The following TATDN3 variants were observed in gnomAD, a reference collection of about 807,000 sequenced individuals.
The protein encoded by TATDN3 is deoxyribonuclease TATDN3.
A neutral mutation model predicts 40.1 loss-of-function variants in TATDN3; 29 were observed. That is an observed-to-expected ratio of 0.72 (90% CI 0.54 to 0.99). The LOEUF is 0.99. Among genes scored for constraint, TATDN3 ranks in the 50% least tolerant of loss-of-function variants. The probability of loss-of-function intolerance (pLI) is 0.00; values close to 1 mark genes in which losing one functional copy is unlikely to be tolerated. For synonymous variants in TATDN3, 105 were observed against 117.0 expected, an observed-to-expected ratio of 0.90 and a Z score of 0.66; for missense variants, 309 against 321.9, an observed-to-expected ratio of 0.96 and a Z score of 0.31.
At chr1:212,794,754 G>A (rs1175145780) in intron 1 of TATDN3, 2 of 486,940 alleles carry the variant, frequency 4.1e-6, no homozygotes, top group South Asian at 3.1e-5. Flanking sequence ...CAATGAGAGA[G>A]TGGTATTGCA....
chr1:212,794,780 A>C, intron 1 of TATDN3: 1 of 512,606 alleles, frequency 2.0e-6, no homozygotes, highest in Non-Finnish European at 3.8e-6. Context: ...GAAGGGTGGA[A>C]AGCATTTCAA....
chr1:212,812,720 G>A (rs1357238492), intron 9 of TATDN3, among the ~76,000 whole-genome samples: 2 of 152,010 alleles, frequency 1.3e-5, no homozygotes, highest in African/African-American at 2.4e-5. Context: ...AGATTATGGT[G>A]GGCTGGGCAC....
intron 4 of TATDN3, among the ~76,000 whole-genome samples, chr1:212,797,903 C>T (rs1054623098): frequency 1.3e-4 from 20 of 152,190 alleles, no homozygotes; most frequent in African/African-American, 4.3e-4. Flanking sequence ...CACTTGTCTC[C>T]TGACTCAGCA....
At chr1:212,811,516 A>G (rs910486582) in intron 8 of TATDN3, among the ~76,000 whole-genome samples, 5 of 151,858 alleles carry the variant, frequency 3.3e-5, no homozygotes, top group African/African-American at 9.7e-5. Context: ...CACCCACCTC[A>G]GCCTCCCAAA....
Position 212,816,597 on chromosome 1 carries a change from GA to G in TATDN3, c.*1448del, listed in dbSNP as rs1425222919. 2 of 152,030 alleles carry G rather than the reference GA, an allele frequency of 1.3e-5. No individual in the cohort carries two copies. The highest frequency in any genetic ancestry group is 4.8e-5 in the African/African-American group (2 of 41,504). The allele number at this position is 152,030 out of a possible 1,614,324, so 9.4% of individuals were successfully genotyped here. ...AATGCTGGAAAAAGTACCTGTCATA[GA>G]AAAAAATAAACTTCCTAAATCAAAG... is the stretch of plus-strand genomic sequence containing the variant. On this transcript the variant is annotated 3_prime_UTR_variant, in exon 10 of 10. Transcript: ENST00000366974.
At position 212,804,389 on chromosome 1, in the gene TATDN3, A is replaced by G; in HGVS notation, c.391A>G (p.Ile131Val). ...GAAGGAAGAGCAAAGACAAGTCCTA[A>G]TCAGACAGATCCAGTTAGCCAAAAG... ...EQKEEQRQVLIRQIQLAKRLN... is the reference protein window; with the variant it reads ...EQKEEQRQVLVRQIQLAKRLN... The change falls in exon 6 of 10, where the codon ATC becomes GTC. Residue 131 changes from isoleucine to valine, a missense_variant. Ile to Val is a conservative substitution (Grantham distance 29, BLOSUM62 3). Transcript: ENST00000366974. The G allele has an allele frequency of 6.2e-7, 1 of 1,614,118 alleles. No individual in the cohort carries two copies. The highest frequency in any genetic ancestry group is 2.2e-5 in the East Asian group (1 of 44,870).
intron 8 of TATDN3, among the ~76,000 whole-genome samples, chr1:212,810,812 G>A (rs114764721): frequency 1.3e-5 from 2 of 152,152 alleles, no homozygotes; most frequent in Admixed American, 1.3e-4. Flanking sequence ...TGTCAATGTC[G>A]GCACATGATA....
chr1:212,792,895 G>C (rs569708113), intron 1 of TATDN3: 2 of 152,318 alleles, frequency 1.3e-5, no homozygotes, highest in East Asian at 3.9e-4. Context: ...AATAATAGAG[G>C]ATTAAGGGGG....
chr1:212,814,610 T>C (rs1255360247), intron 9 of TATDN3, among the ~76,000 whole-genome samples: 1 of 152,208 alleles, frequency 6.6e-6, no homozygotes, highest in East Asian at 1.9e-4. Flanking sequence ...CCAATACATG[T>C]TGGCAATTCT....
chr1:212,816,815 T>G lies in TATDN3; in HGVS notation c.*1659T>G, dbSNP rs1242469369. Reference sequence around the variant, plus strand: ...AGGAGATTATATTAAAACTGGACTTTTAAGCTCTCTTCCAACTCTGTATTT... The same window carrying G: ...AGGAGATTATATTAAAACTGGACTTGTAAGCTCTCTTCCAACTCTGTATTT... On this transcript the variant is annotated 3_prime_UTR_variant, in exon 10 of 10. Coordinates refer to ENST00000366974, the MANE Select transcript of TATDN3 (RefSeq NM_001042552.3). Among the ~76,000 whole-genome samples the G allele has an allele frequency of 6.6e-6, 1 of 152,200 alleles. No individual in the cohort carries two copies. The highest frequency in any genetic ancestry group is 1.9e-4 in the East Asian group (1 of 5,204).
At chr1:212,807,673 T>C (rs1019525001) in intron 7 of TATDN3, 63 bp from the exon 8 acceptor site, 1 of 1,301,182 alleles carries the variant, frequency 7.7e-7, no homozygotes, top group Admixed American at 2.2e-5. Flanking sequence ...TTCAGACTTC[T>C]GTTATTTAAT....
At chr1:212,795,595 T>C (rs1246159452) in intron 2 of TATDN3, among the ~76,000 whole-genome samples, 1 of 152,082 alleles carries the variant, frequency 6.6e-6, no homozygotes, top group Non-Finnish European at 1.5e-5. Context: ...ATAATTAAAA[T>C]AGAGACAAGA....
chr1:212,796,451 TA>T, intron 2 of TATDN3, 65 bp from the exon 3 acceptor site: 1 of 1,280,940 alleles, frequency 7.8e-7, no homozygotes, highest in Admixed American at 3.5e-5. Flanking sequence ...GAGAAAACTT[TA>T]AAATTTTCTA....
At chr1:212,792,467 TC>T (rs1340292435) in intron 1 of TATDN3, among the ~76,000 whole-genome samples, 4 of 90,448 alleles carry the variant, frequency 4.4e-5, no homozygotes, top group Non-Finnish European at 8.9e-5. Flanking sequence ...TGAAACCTCG[TC>T]CCTACAAAAA....
intron 8 of TATDN3, among the ~76,000 whole-genome samples, chr1:212,809,739 T>C (rs1215620732): frequency 2.0e-5 from 3 of 148,770 alleles, no homozygotes; most frequent in African/African-American, 2.5e-5. Flanking sequence ...AAAATTTAAA[T>C]TGGGCTAGGC....
chr1:212,806,795 C>CATATAT lies in TATDN3; in HGVS notation c.488-940_488-939insTATATA, dbSNP rs1553257537. Among the ~76,000 whole-genome samples, 11 of 96,982 alleles carry CATATAT rather than the reference C, an allele frequency of 1.1e-4. 1 individual carries two copies. The highest frequency in any genetic ancestry group is 8.9e-4 in the East Asian group (3 of 3,388). The allele number at this position is 96,982 out of a possible 152,430, so 63.6% of individuals were successfully genotyped here. A position where few individuals can be genotyped will look rare whatever the true frequency, so the allele number is the denominator to read the frequency against. On this transcript the variant is annotated intron_variant, in intron 7 of 9. Transcript: ENST00000366974. ...ATATATATATATATACACACACACA[C>CATATAT]ACACATATATACACATATATACACA...
intron 4 of TATDN3, among the ~76,000 whole-genome samples, chr1:212,801,213 AAAGTAT>A (rs1411869897): frequency 6.6e-6 from 1 of 151,914 alleles, no homozygotes; most frequent in East Asian, 1.9e-4. Flanking sequence ...CAAAAACACA[AAAGTAT>A]AATAGAACCA....
chr1:212,803,852 A>G (rs1376408459), intron 5 of TATDN3, among the ~76,000 whole-genome samples: 2 of 152,104 alleles, frequency 1.3e-5, no homozygotes, highest in African/African-American at 2.4e-5. Context: ...CCTGACCAAC[A>G]TGGTAAAACC....
chr1:212,794,000 G>A (rs1661546839), intron 1 of TATDN3, among the ~76,000 whole-genome samples: 3 of 152,170 alleles, frequency 2.0e-5, no homozygotes. Context: ...AAAATTGGGG[G>A]CCGGGCGCAG....
Sources: gnomAD v4.1 joint callset for allele counts (sites outside exome capture counted in the v4.1 genomes callset) on GRCh38, gnomAD v4.1.1 for gene constraint, MANE v1.5 for transcripts, NCBI Gene and HGNC (gene_info 2026-07-23, HGNC 2026-07-21) for gene names.